Variants in TBC1D5 observed in about 807,000 individuals in gnomAD.
The protein encoded by TBC1D5 is TBC1 domain family, member 5.
A neutral mutation model predicts 100.3 loss-of-function variants in TBC1D5; 75 were observed. The observed-to-expected ratio is 0.75, with a 90% confidence interval of 0.62 to 0.91. The LOEUF (loss-of-function observed/expected upper bound fraction) is 0.91. Among genes scored for constraint, TBC1D5 ranks in the 40% least tolerant of loss-of-function variants. TBC1D5 has a pLI of 0.00. For missense variants in TBC1D5, 910 were observed against 942.4 expected (o/e 0.97, Z 0.45); for synonymous variants, 323 against 325.6 (o/e 0.99, Z 0.09).
intron 13 of TBC1D5, among the ~76,000 whole-genome samples, chr3:17,327,893 T>C (rs932663770): frequency 6.6e-6 from 1 of 152,136 alleles, no homozygotes; most frequent in South Asian, 2.1e-4. Context: ...TCAATATATA[T>C]GTGTTGAATA....
chr3:17,741,684 G>A (rs2077448016), upstream of TBC1D5, among the ~76,000 whole-genome samples: 1 of 151,824 alleles, frequency 6.6e-6, no homozygotes, highest in East Asian at 1.9e-4. Context: ...TAACTAAAAC[G>A]AGTAACTGGT....
chr3:17,512,231 TTAA>T (rs1032985078), intron 2 of TBC1D5, among the ~76,000 whole-genome samples: 3 of 152,198 alleles, frequency 2.0e-5, no homozygotes, highest in East Asian at 1.9e-4. Context: ...TCAAAGGTTT[TTAA>T]TAAATTTGTC....
At chr3:17,236,433 T>A (rs975804238) in intron 17 of TBC1D5, among the ~76,000 whole-genome samples, 32 of 152,198 alleles carry the variant, frequency 2.1e-4, no homozygotes, top group Middle Eastern at 3.4e-3. Context: ...TCTCTTTTTT[T>A]AAAAAAATGT....
intron 1 of TBC1D5, among the ~76,000 whole-genome samples, chr3:17,675,455 C>A (rs2153795925): frequency 6.6e-6 from 1 of 152,218 alleles, no homozygotes; most frequent in African/African-American, 2.4e-5. Context: ...TCTTTACATG[C>A]ATACAGCTTC....
intron 17 of TBC1D5, among the ~76,000 whole-genome samples, chr3:17,218,170 C>T (rs568949125): frequency 6.6e-6 from 1 of 152,100 alleles, no homozygotes; most frequent in South Asian, 2.1e-4. Context: ...ATACTCTCAA[C>T]TCTATTCCAT....
intron 9 of TBC1D5, among the ~76,000 whole-genome samples, chr3:17,380,281 A>C (rs2092894584): frequency 6.6e-6 from 1 of 152,100 alleles, no homozygotes; most frequent in Non-Finnish European, 1.5e-5. Context: ...AATGGAAATT[A>C]AGTCTTTTGA....
chr3:17,633,464 C>G (rs1029485704), intron 1 of TBC1D5, among the ~76,000 whole-genome samples: 5 of 151,994 alleles, frequency 3.3e-5, no homozygotes. Flanking sequence ...ACTATTCACC[C>G]TAATTTAGGT....
At position 17,608,710 on chromosome 3, in the gene TBC1D5, C is replaced by G. The variant is rs147201366; in HGVS notation, c.-36+15139G>C. Among the ~76,000 whole-genome samples, 486 of 152,274 alleles carry G rather than the reference C, an allele frequency of 3.2e-3. 1 individual carries two copies. The highest frequency in any genetic ancestry group is 0.011 in the African/African-American group (460 of 41,538). On this transcript the variant is annotated intron_variant, in intron 2 of 21. Transcript: ENST00000253692. ...TCTGTTGTATTTTCATCGCTTTCTACTCCTATACCAAATTGCTTCTGTAAT... is the reference window on the plus strand; with the variant it reads ...TCTGTTGTATTTTCATCGCTTTCTAGTCCTATACCAAATTGCTTCTGTAAT...
chr3:17,370,428 C>T (rs1295341928), intron 13 of TBC1D5, among the ~76,000 whole-genome samples: 12 of 152,104 alleles, frequency 7.9e-5, no homozygotes, highest in Non-Finnish European at 7.4e-5. Context: ...TTGTTACTAG[C>T]TCTTTCAAAT....
chr3:17,514,637 A>G (rs2095959569), intron 2 of TBC1D5, among the ~76,000 whole-genome samples: 1 of 152,216 alleles, frequency 6.6e-6, no homozygotes, highest in African/African-American at 2.4e-5. Flanking sequence ...TCACAGGTGG[A>G]CTTAAATATT....
At chr3:17,292,412 C>A (rs2081855509) in intron 14 of TBC1D5, among the ~76,000 whole-genome samples, 4 of 151,540 alleles carry the variant, frequency 2.6e-5, no homozygotes, top group African/African-American at 9.7e-5. Context: ...TAATATTTAC[C>A]TTATTATGCA....
rs144267984 is a variant in TBC1D5, at chr3:17,261,639, C to G, written c.1246-3048G>C. 3.9e-5 allele frequency among the ~76,000 whole-genome samples: 6 copies of G among 152,226 alleles called. No individual in the cohort carries two copies. The East Asian group carries it at 1.2e-3, about 29-fold the overall frequency. On this transcript the variant is annotated intron_variant, in intron 15 of 21. Coordinates refer to ENST00000253692, the Ensembl canonical transcript of TBC1D5. ...CCAGGCTCAAGTGATCCTCCCACCT[C>G]AGCCTCCTGGTAGTTGGGACTACAC...
chr3:17,740,448 A>C (rs1014962203), exon 1 of TBC1D5: 9 of 152,220 alleles, frequency 5.9e-5, no homozygotes, highest in African/African-American at 2.2e-4. Flanking sequence ...AAATTATAAA[A>C]ATTATGGTAC....
At chr3:17,214,545 G>A (rs2073395338) in intron 17 of TBC1D5, among the ~76,000 whole-genome samples, 175 bp from the exon 19 acceptor site, 1 of 150,868 alleles carries the variant, frequency 6.6e-6, no homozygotes. Flanking sequence ...AATAGCCACT[G>A]GTTTTCAAAA....
At chr3:17,416,243 G>A (rs1164194212) in intron 4 of TBC1D5, among the ~76,000 whole-genome samples, 1 of 152,138 alleles carries the variant, frequency 6.6e-6, no homozygotes, top group Non-Finnish European at 1.5e-5. Context: ...AACTTTCCGA[G>A]ATGACAGAAA....
intron 14 of TBC1D5, among the ~76,000 whole-genome samples, chr3:17,301,837 A>C (rs1575209523): frequency 6.6e-6 from 1 of 152,218 alleles, no homozygotes; most frequent in South Asian, 2.1e-4. Context: ...GTGACTTACA[A>C]TATGAAATAA....
At chr3:17,611,737 G>A (rs2061684394) in intron 2 of TBC1D5, among the ~76,000 whole-genome samples, 1 of 152,136 alleles carries the variant, frequency 6.6e-6, no homozygotes, top group Non-Finnish European at 1.5e-5. Context: ...AGATGAAAAG[G>A]TAGCAAAGTA....
intron 2 of TBC1D5, among the ~76,000 whole-genome samples, chr3:17,618,306 G>A (rs2062355674): frequency 6.6e-6 from 1 of 152,198 alleles, no homozygotes; most frequent in Admixed American, 6.5e-5. Flanking sequence ...TGTATGAGGT[G>A]TCTGTCGGCC....
intron 17 of TBC1D5, among the ~76,000 whole-genome samples, chr3:17,215,241 A>G (rs542646003): frequency 1.3e-5 from 2 of 152,256 alleles, no homozygotes; most frequent in Admixed American, 1.3e-4. Context: ...AACAAAGGCA[A>G]AAGCAGAGGA....
Sources: gnomAD v4.1 joint callset for allele counts (sites outside exome capture counted in the v4.1 genomes callset) on GRCh38, gnomAD v4.1.1 for gene constraint, MANE v1.5 for transcripts, NCBI Gene and HGNC (gene_info 2026-07-23, HGNC 2026-07-21) for gene names.